PTPRT: variants seen among roughly 807,000 people sequenced by gnomAD.
The protein encoded by PTPRT is protein tyrosine phosphatase receptor type T.
PTPRT carries 56 observed loss-of-function variants against 176.8 expected under a neutral mutation model. That is an observed-to-expected ratio of 0.32 (90% CI 0.26 to 0.40). The LOEUF (loss-of-function observed/expected upper bound fraction) is 0.40, where lower values mean the gene tolerates loss of function less well. PTPRT is among the 10% of genes least tolerant of loss of function. The probability of loss-of-function intolerance (pLI) is 1.00; values close to 1 mark genes in which losing one functional copy is unlikely to be tolerated. For synonymous variants in PTPRT, 783 were observed against 739.0 expected (o/e 1.06, Z -0.96); for missense variants, 1,540 against 1,908.2 (o/e 0.81, Z 3.60).
intron 1 of PTPRT, among the ~76,000 whole-genome samples, chr20:42,968,332 G>T (rs147299728): frequency 1.3e-5 from 2 of 152,300 alleles, no homozygotes; most frequent in East Asian, 3.9e-4. Flanking sequence ...TTTAGGGCAA[G>T]ATTCATCCTT....
intron 9 of PTPRT, among the ~76,000 whole-genome samples, chr20:42,446,893 C>A (rs2070743275): frequency 6.6e-6 from 1 of 151,978 alleles, no homozygotes. Context: ...GAGAGCTGCG[C>A]CAAGCTCCCT....
intron 1 of PTPRT, among the ~76,000 whole-genome samples, chr20:43,031,600 G>A (rs1157085042): frequency 6.6e-6 from 1 of 152,186 alleles, no homozygotes; most frequent in Non-Finnish European, 1.5e-5. Flanking sequence ...GAACATGGAG[G>A]TTCAGTGAGG....
rs1033896338 is a variant in PTPRT at position 42,437,363 on chromosome 20, T to C, written c.1560+10857A>G. On this transcript the variant is annotated intron_variant, in intron 9 of 30. Coordinates refer to ENST00000373187, the MANE Select transcript of PTPRT (RefSeq NM_007050.6). ...CAAATGTGGAAACTGAGGCCCAGGT[T>C]GGGAAAGAAGCCAACTAGTTCAAGT... Among the ~76,000 whole-genome samples, 7 of 152,276 alleles carry C rather than the reference T, an allele frequency of 4.6e-5. No homozygotes were observed. In the East Asian group the frequency reaches 1.4e-3, roughly 29 times the overall value.
At chr20:42,311,823 T>C (rs897692869) in intron 12 of PTPRT, among the ~76,000 whole-genome samples, 2 of 152,212 alleles carry the variant, frequency 1.3e-5, no homozygotes, top group African/African-American at 4.8e-5. Flanking sequence ...CTCAGCTTTT[T>C]AAGTATAGAT....
intron 7 of PTPRT, among the ~76,000 whole-genome samples, chr20:42,601,895 T>C (rs1417524639): frequency 6.6e-6 from 1 of 152,164 alleles, no homozygotes; most frequent in Non-Finnish European, 1.5e-5. Flanking sequence ...AGACTGACTG[T>C]CAGGCGGAGG....
intron 7 of PTPRT, among the ~76,000 whole-genome samples, chr20:42,628,444 T>C (rs1042930121): frequency 2.0e-4 from 31 of 152,176 alleles, no homozygotes; most frequent in Admixed American, 9.2e-4. Flanking sequence ...CTCTCTCCCA[T>C]AAACTGGCAA....
chr20:42,038,517 G>T, the PTPRT span, among the ~76,000 whole-genome samples: 1 of 152,196 alleles, frequency 6.6e-6, no homozygotes, highest in African/African-American at 2.4e-5. Flanking sequence ...AAGGGCATCT[G>T]TGTGGGGACA....
intron 1 of PTPRT, among the ~76,000 whole-genome samples, chr20:42,890,890 T>C (rs1353028428): frequency 6.6e-6 from 1 of 152,094 alleles, no homozygotes; most frequent in East Asian, 1.9e-4. Flanking sequence ...ATAGGGGTGG[T>C]TTCCCCCATA....
intron 17 of PTPRT, among the ~76,000 whole-genome samples, chr20:42,144,634 T>C (rs1988780916): frequency 6.6e-6 from 1 of 152,178 alleles, no homozygotes; most frequent in African/African-American, 2.4e-5. Context: ...GGAACAGCTA[T>C]AGAAAAGCTG....
chr20:42,689,068 C>T (rs2075748647), intron 6 of PTPRT, among the ~76,000 whole-genome samples: 1 of 152,086 alleles, frequency 6.6e-6, no homozygotes, highest in African/African-American at 2.4e-5. Flanking sequence ...GAGGGTGGTT[C>T]CCCAGTAAGG....
chr20:42,540,391 GAAAAAAAGA>G (rs1281549995), intron 7 of PTPRT, among the ~76,000 whole-genome samples: 1 of 151,298 alleles, frequency 6.6e-6, no homozygotes. Context: ...GACAAGGCAG[GAAAAAAAGA>G]AAAAAAAGAA....
At chr20:42,717,353 C>A (rs2146218009) in intron 6 of PTPRT, among the ~76,000 whole-genome samples, 1 of 151,758 alleles carries the variant, frequency 6.6e-6, no homozygotes, top group South Asian at 2.1e-4. Flanking sequence ...CAAAATAAAC[C>A]CTTACATATG....
chr20:42,502,397 T>C lies in PTPRT; in HGVS notation c.1154-29835A>G, dbSNP rs1253113534. ...GCACTCTCCTAGAAAAAATTACATA[T>C]GTATACAAACACACACACACACACA... On this transcript the variant is annotated intron_variant, in intron 7 of 30. Transcript: ENST00000373187. 5.1e-5 allele frequency among the ~76,000 whole-genome samples: 7 copies of C among 137,656 alleles called. No homozygotes were observed. In the East Asian group the frequency reaches 1.5e-3, roughly 29 times the overall value. 90.3% of individuals were successfully genotyped at this position (137,656 alleles called of 152,430 possible).
chr20:42,723,852 C>T (rs1265650981), intron 6 of PTPRT, among the ~76,000 whole-genome samples: 1 of 152,174 alleles, frequency 6.6e-6, no homozygotes, highest in Non-Finnish European at 1.5e-5. Flanking sequence ...AGGCAGAATC[C>T]TTGCTCTCCT....
At chr20:42,782,282 C>A (rs1413676175) in intron 3 of PTPRT, among the ~76,000 whole-genome samples, 3 of 152,174 alleles carry the variant, frequency 2.0e-5, no homozygotes. Flanking sequence ...CTTTTCACTG[C>A]ATACACTCTC....
At position 42,539,732 on chromosome 20, in the gene PTPRT, A is replaced by G. The variant is rs368785596; in HGVS notation, c.1154-67170T>C. ...ACCATATTGCAAAACTGTGAACAAA[A>G]TATTAGAAACCAAGGAACATTCAGA... On this transcript the variant is annotated intron_variant, in intron 7 of 30. Coordinates refer to ENST00000373187, the MANE Select transcript of PTPRT (RefSeq NM_007050.6). Among the ~76,000 whole-genome samples the G allele has an allele frequency of 3.1e-3, 478 of 152,238 alleles. 19 individuals are homozygous for G. In the South Asian group the frequency reaches 0.094, roughly 30 times the overall value.
At chr20:42,901,744 T>C (rs553774161) in intron 1 of PTPRT, among the ~76,000 whole-genome samples, 1 of 152,188 alleles carries the variant, frequency 6.6e-6, no homozygotes, top group South Asian at 2.1e-4. Context: ...TCCTGCCCCA[T>C]TAAGGAAAGG....
chr20:42,686,054 TC>T (rs1256537966), intron 6 of PTPRT: 7 of 152,236 alleles, frequency 4.6e-5, no homozygotes, highest in African/African-American at 1.7e-4. Flanking sequence ...CTCAAAGACC[TC>T]CACTGTGAGT....
chr20:42,523,632 G>A (rs1381909465), intron 7 of PTPRT, among the ~76,000 whole-genome samples: 5 of 152,102 alleles, frequency 3.3e-5, no homozygotes, highest in African/African-American at 1.2e-4. Flanking sequence ...ATCTGACAAT[G>A]TCTCCTTTGA....
Sources: allele counts gnomAD v4.1 joint callset (sites outside exome capture counted in the v4.1 genomes callset), GRCh38; gene constraint gnomAD v4.1.1; transcripts MANE v1.5; gene names NCBI Gene and HGNC (gene_info 2026-07-23, HGNC 2026-07-21).